Variants in SGK3 observed in about 807,000 individuals in gnomAD.
SGK3 encodes serine/threonine-protein kinase Sgk3.
Under a neutral mutation model 68.5 loss-of-function variants are expected in SGK3, and 47 were observed. The observed-to-expected ratio is 0.69, with a 90% CI of 0.54 to 0.87. The LOEUF (loss-of-function observed/expected upper bound fraction) is 0.87, where lower values mean the gene tolerates loss of function less well. Ranked by LOEUF, SGK3 falls within the 40% of genes least tolerant of loss-of-function variation. SGK3 has a pLI of 0.00. For synonymous variants in SGK3, 181 were observed against 189.1 expected, an observed-to-expected ratio of 0.96 and a Z score of 0.35; for missense variants, 479 against 575.5, an observed-to-expected ratio of 0.83 and a Z score of 1.72.
chr8:66,784,903 T>C lies in SGK3; in HGVS notation c.-121-8713T>C, dbSNP rs1047732623. ...CTTTCCCCCACCTTTTTAAAAAAAC[T>C]GTATCCTTGATAGTGTCTTTTCTTG... On this transcript the variant is annotated intron_variant, in intron 1 of 16. Transcript: ENST00000521198. Among the ~76,000 whole-genome samples, 7 of 152,318 alleles carry C rather than the reference T, an allele frequency of 4.6e-5. No individual in the cohort carries two copies. In the East Asian group the frequency reaches 9.6e-4, roughly 21 times the overall value.
intron 14 of SGK3, among the ~76,000 whole-genome samples, chr8:66,845,579 G>A (rs1377813524): frequency 1.3e-5 from 2 of 152,082 alleles, no homozygotes; most frequent in East Asian, 3.8e-4. Flanking sequence ...AGGCTGGAGT[G>A]TAGTAGAATG....
At chr8:66,762,259 G>A (rs1290144268) in intron 1 of SGK3, among the ~76,000 whole-genome samples, 1 of 152,104 alleles carries the variant, frequency 6.6e-6, no homozygotes, top group African/African-American at 2.4e-5. Flanking sequence ...GTGAGCCACC[G>A]CGCCCGGCCT....
At chr8:66,772,297 C>T (rs949363008) in intron 1 of SGK3, among the ~76,000 whole-genome samples, 3 of 149,810 alleles carry the variant, frequency 2.0e-5, no homozygotes, top group South Asian at 2.1e-4. Context: ...TGTATTGCTG[C>T]GGCTGCTCTC....
chr8:66,735,396 C>T (rs1294583590), intron 1 of SGK3, among the ~76,000 whole-genome samples: 1 of 152,166 alleles, frequency 6.6e-6, no homozygotes, highest in Admixed American at 6.5e-5. Context: ...ACAGATTTCC[C>T]AAATCCTTAA....
intron 15 of SGK3, among the ~76,000 whole-genome samples, chr8:66,849,419 C>A (rs1452317930): frequency 6.6e-6 from 1 of 152,028 alleles, no homozygotes; most frequent in African/African-American, 2.4e-5. Flanking sequence ...CAGCCAGTTC[C>A]TTTTTGCTGC....
intron 13 of SGK3, among the ~76,000 whole-genome samples, chr8:66,842,671 A>C (rs1045677946): frequency 3.3e-5 from 5 of 152,244 alleles, no homozygotes; most frequent in Non-Finnish European, 5.9e-5. Context: ...CAACTTATAC[A>C]AGTTTTCTAA....
At chr8:66,767,954 C>T (rs1262184864) in intron 1 of SGK3, 1 of 912,892 alleles carries the variant, frequency 1.1e-6, no homozygotes, top group Middle Eastern at 2.2e-4. Flanking sequence ...TTTGTAGCCA[C>T]AAGGATGCCT....
Position 66,839,526 on chromosome 8 carries a change from T to G in SGK3, c.742-477T>G, listed in dbSNP as rs1222764489. Among the ~76,000 whole-genome samples the G allele has an allele frequency of 1.7e-4, 11 of 63,408 alleles. No individual in the cohort carries two copies. The East Asian group carries it at 4.1e-3, about 24-fold the overall frequency. 41.6% of individuals were successfully genotyped at this position (63,408 alleles called of 152,430 possible). A position where few individuals can be genotyped will look rare whatever the true frequency, so the allele number is the denominator to read the frequency against. ...ATATATATATATATATATATATATA[T>G]ATATATATATATATATATATATATA... On this transcript the variant is annotated intron_variant, in intron 10 of 16. Transcript: ENST00000521198.
chr8:66,837,015 C>T (rs1809564748), intron 10 of SGK3, among the ~76,000 whole-genome samples: 1 of 152,112 alleles, frequency 6.6e-6, no homozygotes, highest in African/African-American at 2.4e-5. Context: ...ACAATAATAA[C>T]TAACTTCCAT....
At chr8:66,758,228 C>G (rs1410309944) in intron 1 of SGK3, among the ~76,000 whole-genome samples, 1 of 151,770 alleles carries the variant, frequency 6.6e-6, no homozygotes, top group African/African-American at 2.4e-5. Context: ...GTGGTGGGTG[C>G]CTGTGATCTC....
At chr8:66,832,474 A>G (rs955146761) in intron 8 of SGK3, among the ~76,000 whole-genome samples, 4 of 152,202 alleles carry the variant, frequency 2.6e-5, no homozygotes, top group African/African-American at 9.6e-5. Context: ...CTCAGCAAAT[A>G]TATATTATCC....
intron 1 of SGK3, among the ~76,000 whole-genome samples, chr8:66,791,714 A>C (rs1041245589): frequency 6.6e-5 from 10 of 152,182 alleles, no homozygotes. Context: ...GAGGTGTGGA[A>C]AGTGTAGCTC....
At chr8:66,802,992 G>A (rs2130607766) in intron 3 of SGK3, among the ~76,000 whole-genome samples, 2 of 152,180 alleles carry the variant, frequency 1.3e-5, no homozygotes, top group East Asian at 3.9e-4. Context: ...AAAAGATAAA[G>A]ATTCTTAAAA....
Position 66,850,919 on chromosome 8 carries a change from T to G in SGK3, c.1319T>G (p.Val440Gly), listed in dbSNP as rs748037623. Residue 440 changes from valine to glycine, a missense_variant and splice_region_variant, in exon 16 of 17, where the codon GTG (valine) becomes GGG (glycine). By Grantham distance (109) the Val-to-Gly change is moderately radical. Transcript: ENST00000521198. Reference sequence around the variant, plus strand: ...ATTCCACCACCATTTAATCCTAATGTGGTAAGTATATATCCAAATCTTTCT... The same window carrying G: ...ATTCCACCACCATTTAATCCTAATGGGGTAAGTATATATCCAAATCTTTCT... ...KKIPPPFNPN[V>G]AGPDDIRNFD... 7.5e-6 allele frequency: 12 copies of G among 1,608,378 alleles called. No individual in the cohort carries two copies. Among genetic ancestry groups the G allele is most frequent in the Non-Finnish European group, 1.7e-6 (2 of 1,176,874 alleles).
At chr8:66,760,199 G>A (rs1409772307) in intron 1 of SGK3, among the ~76,000 whole-genome samples, 1 of 151,206 alleles carries the variant, frequency 6.6e-6, no homozygotes, top group Admixed American at 6.6e-5. Context: ...GAGCAGACGA[G>A]GTCATGGTGG....
intron 1 of SGK3, among the ~76,000 whole-genome samples, chr8:66,721,870 T>G (rs1185445473): frequency 6.6e-5 from 10 of 152,298 alleles, no homozygotes; most frequent in Middle Eastern, 3.4e-3. Context: ...TAAAATAACC[T>G]TTTTGTTTTC....
At chr8:66,848,598 G>A (rs1045563233) in intron 15 of SGK3, among the ~76,000 whole-genome samples, 3 of 152,146 alleles carry the variant, frequency 2.0e-5, no homozygotes, top group African/African-American at 4.8e-5. Context: ...TATTGTAGTG[G>A]AAAAGGTCTG....
intron 4 of SGK3, among the ~76,000 whole-genome samples, chr8:66,804,653 C>T (rs1463813251): frequency 1.3e-5 from 2 of 152,094 alleles, no homozygotes; most frequent in East Asian, 1.9e-4. Flanking sequence ...CTGACAACTT[C>T]GTGAGGTGGG....
chr8:66,731,711 T>A (rs984564344), intron 1 of SGK3, among the ~76,000 whole-genome samples: 5 of 152,106 alleles, frequency 3.3e-5, no homozygotes, highest in African/African-American at 7.2e-5. Flanking sequence ...ATTTTTTGTA[T>A]TTTTAGTAGA....
Sources: gnomAD v4.1 joint callset for allele counts (sites outside exome capture counted in the v4.1 genomes callset) on GRCh38, gnomAD v4.1.1 for gene constraint, MANE v1.5 for transcripts, NCBI Gene and HGNC (gene_info 2026-07-23, HGNC 2026-07-21) for gene names.